Variants in CSMD1 observed in about 807,000 individuals in gnomAD.
CSMD1 encodes CUB and Sushi multiple domains 1.
Under a neutral mutation model 417.5 loss-of-function variants are expected in CSMD1, and 213 were observed. That is an observed-to-expected ratio of 0.51 (90% CI 0.46 to 0.57). CSMD1 has a LOEUF of 0.57. Among genes scored for constraint, CSMD1 ranks in the 20% least tolerant of loss-of-function variants. CSMD1 has a pLI of 0.00. For synonymous variants in CSMD1, 2,862 were observed against 1,736.8 expected (o/e 1.65, Z -16.11); for missense variants, 6,923 against 4,529.7 (o/e 1.53, Z -15.17).
intron 37 of CSMD1, among the ~76,000 whole-genome samples, chr8:3,171,447 G>A (rs967203900): frequency 3.3e-5 from 5 of 152,088 alleles, no homozygotes; most frequent in Non-Finnish European, 7.4e-5. Flanking sequence ...CCTGTGTCTA[G>A]AGCCTTGATC....
chr8:3,544,601 C>A (rs1375107579), intron 10 of CSMD1, among the ~76,000 whole-genome samples: 1 of 152,034 alleles, frequency 6.6e-6, no homozygotes, highest in Non-Finnish European at 1.5e-5. Flanking sequence ...GGATCCCTTT[C>A]CAGTAACAAA....
chr8:3,589,868 G>T (rs1285464807), intron 8 of CSMD1, among the ~76,000 whole-genome samples: 2 of 152,028 alleles, frequency 1.3e-5, no homozygotes, highest in South Asian at 2.1e-4. Flanking sequence ...AATATCTACA[G>T]TTTTTCTCAA....
chr8:3,714,825 A>T (rs1801736339), intron 6 of CSMD1, among the ~76,000 whole-genome samples: 1 of 152,176 alleles, frequency 6.6e-6, no homozygotes, highest in African/African-American at 2.4e-5. Context: ...TGCAAGATAA[A>T]AATTAAACTG....
At chr8:3,967,422 C>G (rs530857066) in intron 5 of CSMD1, among the ~76,000 whole-genome samples, 1 of 150,594 alleles carries the variant, frequency 6.6e-6, no homozygotes, top group South Asian at 2.1e-4. Context: ...TCACCTGATG[C>G]TTTCAAAGTC....
Position 3,367,140 on chromosome 8 carries a change from C to G in CSMD1, c.3007G>C (p.Val1003Leu), listed in dbSNP as rs765624710. Residue 1003 changes from valine (V) to leucine (L), a missense_variant, in exon 20 of 70, where the codon GTG (valine) becomes CTG (leucine). Coordinates refer to ENST00000635120, the MANE Select transcript of CSMD1 (RefSeq NM_033225.6). ...CCTGCCTTGATCGTATGAGGCAACACCGACCCGGTGAGCCTGGCAACGGGC... is the reference window on the plus strand; with the variant it reads ...CCTGCCTTGATCGTATGAGGCAACAGCGACCCGGTGAGCCTGGCAACGGGC... The part of the protein sequence containing the change: ...SEPVARLTGS[V>L]LPHTIKAGLF... 6 of 1,613,764 alleles carry G rather than the reference C, an allele frequency of 3.7e-6. No homozygotes were observed. The highest frequency in any genetic ancestry group is 1.7e-5 in the Admixed American group (1 of 59,988).
At chr8:4,593,948 T>TCAC (rs1479834985) in intron 2 of CSMD1, among the ~76,000 whole-genome samples, 1 of 152,090 alleles carries the variant, frequency 6.6e-6, no homozygotes, top group Admixed American at 6.6e-5. Context: ...GTCAGGAGGA[T>TCAC]CACGTTCCCT....
At chr8:4,006,798 G>A (rs939241538) in intron 4 of CSMD1, among the ~76,000 whole-genome samples, 5 of 148,838 alleles carry the variant, frequency 3.4e-5, no homozygotes, top group East Asian at 2.0e-4. Flanking sequence ...TTCTTTTGTC[G>A]CTGAGAGAAT....
chr8:3,818,315 A>G (rs1325557961), intron 5 of CSMD1, among the ~76,000 whole-genome samples: 1 of 152,148 alleles, frequency 6.6e-6, no homozygotes, highest in African/African-American at 2.4e-5. Flanking sequence ...GAACATACAC[A>G]TGTTCCAAAG....
intron 1 of CSMD1, among the ~76,000 whole-genome samples, chr8:4,725,178 A>C (rs1206167311): frequency 1.3e-5 from 2 of 152,190 alleles, no homozygotes; most frequent in Non-Finnish European, 2.9e-5. Flanking sequence ...AAAAACAATA[A>C]AAGTCAGAGA....
At chr8:3,542,588 T>C (rs977604844) in intron 10 of CSMD1, among the ~76,000 whole-genome samples, 1 of 152,158 alleles carries the variant, frequency 6.6e-6, no homozygotes, top group Non-Finnish European at 1.5e-5. Context: ...GTACGTGCTG[T>C]GAGCAGGCCT....
At chr8:3,114,172 A>AG (rs1816710977) in intron 42 of CSMD1, among the ~76,000 whole-genome samples, 1 of 152,176 alleles carries the variant, frequency 6.6e-6, no homozygotes, top group African/African-American at 2.4e-5. Flanking sequence ...TGAGCCTGGC[A>AG]GGTCAAGGCT....
chr8:3,846,075 T>C (rs771976935), intron 5 of CSMD1, among the ~76,000 whole-genome samples: 14 of 141,940 alleles, frequency 9.9e-5, no homozygotes, highest in Non-Finnish European at 2.1e-4. Flanking sequence ...AAAAAAATAA[T>C]AAGCAGCAGT....
intron 4 of CSMD1, among the ~76,000 whole-genome samples, chr8:4,026,482 C>T (rs963360609): frequency 2.0e-5 from 3 of 152,230 alleles, no homozygotes; most frequent in East Asian, 1.9e-4. Flanking sequence ...TTTTAAAGAT[C>T]CTCCAATTAA....
At chr8:3,096,801 T>G (rs1228510619) in intron 47 of CSMD1, 48 bp downstream of exon 47, 16 of 1,184,060 alleles carry the variant, frequency 1.4e-5, no homozygotes, top group Non-Finnish European at 1.9e-5. Context: ...ATAGTGTTTT[T>G]ATCAATGATG....
chr8:3,576,886 T>C (rs1800173069), intron 9 of CSMD1, among the ~76,000 whole-genome samples: 1 of 152,246 alleles, frequency 6.6e-6, no homozygotes, highest in Non-Finnish European at 1.5e-5. Flanking sequence ...TACCTTTATG[T>C]TGCATTTTCC....
At chr8:4,137,229 C>G (rs1170289105) in intron 3 of CSMD1, among the ~76,000 whole-genome samples, 1 of 152,150 alleles carries the variant, frequency 6.6e-6, no homozygotes, top group African/African-American at 2.4e-5. Context: ...AATTAATTCT[C>G]CATGATGCCT....
chr8:4,715,353 T>G (rs1312305223), intron 1 of CSMD1, among the ~76,000 whole-genome samples: 1 of 152,198 alleles, frequency 6.6e-6, no homozygotes, highest in Non-Finnish European at 1.5e-5. Context: ...AAAGCAATGC[T>G]TCATCAAAGA....
intron 3 of CSMD1, among the ~76,000 whole-genome samples, chr8:4,351,628 G>A (rs994757457): frequency 7.2e-5 from 11 of 152,318 alleles, no homozygotes; most frequent in African/African-American, 2.4e-4. Context: ...AGTGAGAAAG[G>A]AGATGAGGGA....
At chr8:4,774,592 G>C (rs976684016) in intron 1 of CSMD1, among the ~76,000 whole-genome samples, 2 of 152,100 alleles carry the variant, frequency 1.3e-5, no homozygotes, top group African/African-American at 4.8e-5. Context: ...AGTAAGTTTG[G>C]GAGTTAATCA....
Sources: gnomAD v4.1 joint callset for allele counts (sites outside exome capture counted in the v4.1 genomes callset) on GRCh38, gnomAD v4.1.1 for gene constraint, MANE v1.5 for transcripts, NCBI Gene and HGNC (gene_info 2026-07-23, HGNC 2026-07-21) for gene names.